SCARB1: variants seen among roughly 807,000 people sequenced by gnomAD.
SCARB1 encodes the protein CD36 and LIMPII analogous 1.
A neutral mutation model predicts 57.2 loss-of-function variants in SCARB1; 30 were observed. The observed-to-expected ratio is 0.52, with a 90% confidence interval of 0.39 to 0.71. The LOEUF is 0.71. SCARB1 is among the 30% of genes least tolerant of loss of function. The probability of loss-of-function intolerance (pLI) is 0.00; values close to 1 mark genes in which losing one functional copy is unlikely to be tolerated. For synonymous variants in SCARB1, 249 were observed against 268.3 expected (o/e 0.93, Z 0.70); for missense variants, 543 against 671.2 (o/e 0.81, Z 2.11).
intron 1 of SCARB1, among the ~76,000 whole-genome samples, chr12:124,818,346 T>C (rs116664308): frequency 0.041 from 6,169 of 152,290 alleles, 451 homozygotes; most frequent in African/African-American, 0.14. Flanking sequence ...CCAGGCACCA[T>C]GGCTCATGCC....
chr12:124,792,777 T>A (rs838861), intron 9 of SCARB1, among the ~76,000 whole-genome samples: 1 of 139,910 alleles, frequency 7.1e-6, no homozygotes, highest in African/African-American at 2.6e-5. Context: ...TAAGTAAAAA[T>A]TGACAGAGCT....
intron 1 of SCARB1, among the ~76,000 whole-genome samples, chr12:124,860,358 C>T (rs1369655834): frequency 6.6e-6 from 1 of 152,282 alleles, no homozygotes; most frequent in African/African-American, 2.4e-5. Context: ...ATATCCACAT[C>T]TTCACCCCAG....
At chr12:124,808,049 A>G in intron 6 of SCARB1, 122 bp from the exon 7 acceptor site, 1 of 921,942 alleles carries the variant, frequency 1.1e-6, no homozygotes, top group African/African-American at 1.6e-5. Context: ...CCGGGTCCAA[A>G]CCGCCCCCAT....
At position 124,812,778 on chromosome 12, in the gene SCARB1, G is replaced by T. The variant is rs1950572467; in HGVS notation, c.631-813C>A. Among the ~76,000 whole-genome samples the T allele has an allele frequency of 6.6e-6, 1 of 152,152 alleles. No individual in the cohort carries two copies. Among genetic ancestry groups the T allele is most frequent in the African/African-American group, 2.4e-5 (1 of 41,420 alleles). On this transcript the variant is annotated intron_variant, in intron 4 of 12. Coordinates refer to ENST00000261693, the MANE Select transcript of SCARB1 (RefSeq NM_005505.5). This position sits in a 1 kb window ranked among gnomAD's most constrained non-coding sequence, Gnocchi z 4.3. The stretch of plus-strand genomic sequence containing the variant: ...TGACTGCACCCATCACAGACCTCCA[G>T]AGCAGGACCCAGCACAAGGCCCCAG...
intron 1 of SCARB1, among the ~76,000 whole-genome samples, chr12:124,821,859 C>T (rs2135709994): frequency 6.6e-6 from 1 of 152,240 alleles, no homozygotes. Flanking sequence ...TGACTTTTTT[C>T]CACCACACTA....
At chr12:124,823,734 C>T (rs538244046) in intron 1 of SCARB1, among the ~76,000 whole-genome samples, 1 of 152,342 alleles carries the variant, frequency 6.6e-6, no homozygotes, top group East Asian at 1.9e-4. Flanking sequence ...AGTCCGTCAA[C>T]AGATGAATGG....
At position 124,812,617 on chromosome 12, in the gene SCARB1, G is replaced by A. The variant is rs191038255; in HGVS notation, c.631-652C>T. ...AGTGGGGCCCAGGCTTTGGTGCTCC[G>A]AGAGCATTTCCCAGAAGCTGGTTTC... On this transcript the variant is annotated intron_variant, in intron 4 of 12. Coordinates refer to ENST00000261693, the MANE Select transcript of SCARB1 (RefSeq NM_005505.5). The surrounding 1 kb of genome is among the most constrained non-coding windows in gnomAD (Gnocchi z 4.3). 3.9e-5 allele frequency among the ~76,000 whole-genome samples: 6 copies of A among 152,324 alleles called. No individual in the cohort carries two copies. Among genetic ancestry groups the A allele is most frequent in the South Asian group, 2.1e-4 (1 of 4,826 alleles).
At position 124,789,615 on chromosome 12, in the gene SCARB1, TAAAG is replaced by T. The variant is rs370417645; in HGVS notation, c.1203-2162_1203-2159del. Among the ~76,000 whole-genome samples, 298 of 151,518 alleles carry T rather than the reference TAAAG, an allele frequency of 2.0e-3. 2 individuals are homozygous for T. The highest frequency in any genetic ancestry group is 7.0e-3 in the African/African-American group (289 of 41,194). ...GGCCCCAGAGAATCACAAAAGTCCTTAAAGAGAGAAGCGGGAAGTCCTAGCCAGA... is the reference window on the plus strand; with the variant it reads ...GGCCCCAGAGAATCACAAAAGTCCTTAGAGAAGCGGGAAGTCCTAGCCAGA... On this transcript the variant is annotated intron_variant, in intron 9 of 12. Transcript: ENST00000261693. This position sits in a 1 kb window ranked among gnomAD's most constrained non-coding sequence, Gnocchi z 4.4.
Position 124,787,267 on chromosome 12 carries a change from T to TA in SCARB1, c.1254+138dup, listed in dbSNP as rs1303652346. The TA allele has an allele frequency of 4.1e-6, 3 of 724,742 alleles. No individual in the cohort carries two copies. The African/African-American group carries it at 5.3e-5, about 13-fold the overall frequency. 44.9% of individuals were successfully genotyped at this position (724,742 alleles called of 1,614,324 possible). On this transcript the variant is annotated intron_variant, in intron 10 of 12. Transcript: ENST00000261693. ...TGCTTGGACAGGGTGAAGTTTCTGA[T>TA]ACGCTGGTCCATGTCACAGTCCGGT...
Position 124,814,879 on chromosome 12 carries a change from C to T in SCARB1, c.426+94G>A. On this transcript the variant is annotated intron_variant, in intron 3 of 12. Coordinates refer to ENST00000261693, the MANE Select transcript of SCARB1 (RefSeq NM_005505.5). The surrounding 1 kb of genome is among the most constrained non-coding windows in gnomAD (Gnocchi z 4.7). The stretch of plus-strand genomic sequence containing the variant: ...GCGTGAGTCCCCACGCTCCGACCAC[C>T]TCAGGGACTGCTCTCTGCACAAGGG... The T allele has an allele frequency of 6.5e-7, 1 of 1,548,862 alleles. No homozygotes were observed. Among genetic ancestry groups the T allele is most frequent in the Non-Finnish European group, 8.8e-7 (1 of 1,130,186 alleles).
At chr12:124,848,090 T>A (rs1194683800) in intron 1 of SCARB1, among the ~76,000 whole-genome samples, 1 of 151,902 alleles carries the variant, frequency 6.6e-6, no homozygotes, top group Non-Finnish European at 1.5e-5. Context: ...CAAAAAAAAA[T>A]TTTCTTTTTC....
intron 7 of SCARB1, among the ~76,000 whole-genome samples, chr12:124,802,565 G>A (rs838911): frequency 0.17 from 26,237 of 151,582 alleles, 4,366 homozygotes; most frequent in East Asian, 0.48. Flanking sequence ...GGTGGAGACC[G>A]AGGTGGGATG....
Position 124,778,171 on chromosome 12 carries a change from A to G in SCARB1, c.*416T>C. ...CCTGGCCCGTCCTGCATGGGGAGCC[A>G]CCACACCGGGACTGCAGTGTTTCAC... On this transcript the variant is annotated 3_prime_UTR_variant, in exon 13 of 13. Transcript: ENST00000261693. 1 of 315,384 alleles carries G rather than the reference A, an allele frequency of 3.2e-6. No homozygotes were observed. The highest frequency in any genetic ancestry group is 5.7e-6 in the Non-Finnish European group (1 of 174,240). The allele number at this position is 315,384 out of a possible 1,614,324, so 19.5% of individuals were successfully genotyped here.
At position 124,796,382 on chromosome 12, in the gene SCARB1, A is replaced by G. The variant is rs529359000; in HGVS notation, c.1129-1114T>C. Among the ~76,000 whole-genome samples, 9 of 152,138 alleles carry G rather than the reference A, an allele frequency of 5.9e-5. 1 individual carries two copies. In the South Asian group the frequency reaches 1.7e-3, roughly 28 times the overall value. On this transcript the variant is annotated intron_variant, in intron 8 of 12. Coordinates refer to ENST00000261693, the MANE Select transcript of SCARB1 (RefSeq NM_005505.5). This position sits in a 1 kb window ranked among gnomAD's most constrained non-coding sequence, Gnocchi z 4.0. Reference sequence around the variant, plus strand: ...TGGAATTACAGCCATGAGCCACTATACCCAGCTCTTTTTAACGAGACTTTT... The same window carrying G: ...TGGAATTACAGCCATGAGCCACTATGCCCAGCTCTTTTTAACGAGACTTTT...
At chr12:124,841,388 AAG>A (rs1555265203) in intron 1 of SCARB1, among the ~76,000 whole-genome samples, 2 of 151,560 alleles carry the variant, frequency 1.3e-5, no homozygotes, top group African/African-American at 2.4e-5. Context: ...AAAAAAAAAA[AAG>A]AGAATTGCTT....
intron 1 of SCARB1, among the ~76,000 whole-genome samples, chr12:124,853,874 C>T: frequency 6.6e-6 from 1 of 152,200 alleles, no homozygotes; most frequent in Admixed American, 6.5e-5. Flanking sequence ...CATTGCCCTG[C>T]ACAGGACCAC....
chr12:124,787,643 A>C lies in SCARB1; in HGVS notation c.1203-186T>G, dbSNP rs531045803. 3.3e-5 allele frequency among the ~76,000 whole-genome samples: 5 copies of C among 152,336 alleles called. No individual in the cohort carries two copies. In the South Asian group the frequency reaches 1.0e-3, roughly 32 times the overall value. ...TATGACAAAACTGTCCCCAGGCTGA[A>C]GGTCTCAGTCTACAGCCCTCAATAA... On this transcript the variant is annotated intron_variant, in intron 9 of 12. Coordinates refer to ENST00000261693, the MANE Select transcript of SCARB1 (RefSeq NM_005505.5).
chr12:124,824,067 G>A (rs549245922), intron 1 of SCARB1, among the ~76,000 whole-genome samples: 18 of 151,728 alleles, frequency 1.2e-4, no homozygotes, highest in African/African-American at 4.1e-4. Flanking sequence ...CCAGCTACTC[G>A]GGAGGCTGAG....
intron 9 of SCARB1, among the ~76,000 whole-genome samples, chr12:124,792,451 G>A (rs1392325882): frequency 2.0e-5 from 3 of 152,030 alleles, no homozygotes; most frequent in Non-Finnish European, 4.4e-5. Context: ...ATGTGAATTA[G>A]GCCCAGCGCA....
Sources: allele counts gnomAD v4.1 joint callset (sites outside exome capture counted in the v4.1 genomes callset), GRCh38; gene constraint gnomAD v4.1.1; non-coding constraint Gnocchi (gnomAD v3.1); transcripts MANE v1.5; gene names NCBI Gene and HGNC (gene_info 2026-07-23, HGNC 2026-07-21).